The following SNX14 variants were observed in gnomAD, a reference collection of about 807,000 sequenced individuals.
The protein encoded by SNX14 is sorting nexin 14, also known as sorting nexin-14.
In SNX14, 93 loss-of-function variants were observed where a neutral mutation model predicts 133.8. That is an observed-to-expected ratio of 0.70 (90% CI 0.59 to 0.83). SNX14 has a LOEUF of 0.83. SNX14 is among the 40% of genes least tolerant of loss of function. The pLI is 0.00. For missense variants in SNX14, 945 were observed against 1,094.9 expected (o/e 0.86, Z 1.93); for synonymous variants, 368 against 365.6 (o/e 1.01, Z -0.07).
At chr6:85,554,185 G>GGA (rs1042101367) in intron 7 of SNX14, among the ~76,000 whole-genome samples, 1 of 151,704 alleles carries the variant, frequency 6.6e-6, no homozygotes, top group Non-Finnish European at 1.5e-5. Flanking sequence ...TTGAAAGTCT[G>GGA]GAGTAAGATC....
intron 21 of SNX14, among the ~76,000 whole-genome samples, chr6:85,518,889 G>A (rs1261349260): frequency 6.6e-6 from 1 of 152,034 alleles, no homozygotes; most frequent in East Asian, 1.9e-4. Context: ...TTCTTACTGA[G>A]CCAAATTATT....
chr6:85,519,646 G>A (rs976244550), intron 21 of SNX14, among the ~76,000 whole-genome samples: 3 of 152,128 alleles, frequency 2.0e-5, no homozygotes, highest in African/African-American at 2.4e-5. Flanking sequence ...CGAGGCGGGC[G>A]GATCCCGAGG....
chr6:85,562,776 G>A (rs12213000), intron 6 of SNX14, among the ~76,000 whole-genome samples: 1 of 151,942 alleles, frequency 6.6e-6, no homozygotes, highest in African/African-American at 2.4e-5. Flanking sequence ...AGTTTTAGTA[G>A]AGATGAGGTT....
chr6:85,581,975 A>G (rs1328554924), intron 1 of SNX14: 1 of 152,196 alleles, frequency 6.6e-6, no homozygotes, highest in Non-Finnish European at 1.5e-5. Context: ...AAAGGTATCA[A>G]TGTTCAAGTA....
intron 21 of SNX14, among the ~76,000 whole-genome samples, chr6:85,525,492 C>T (rs1180034656): frequency 6.6e-6 from 1 of 151,984 alleles, no homozygotes; most frequent in East Asian, 1.9e-4. Context: ...AGTTTTATAG[C>T]CAACAATTAA....
rs747939559 is a variant in SNX14, at chr6:85,528,263, T to C, written c.1994A>G (p.Gln665Arg). 6.2e-6 allele frequency: 10 copies of C among 1,602,124 alleles called. No homozygotes were observed. The highest frequency in any genetic ancestry group is 2.7e-5 in the African/African-American group (2 of 74,666). The change falls in exon 20 of 29, where the codon CAG becomes CGG. Residue 665 changes from glutamine (Q) to arginine (R), a missense_variant and splice_region_variant. Gln to Arg is a conservative substitution (Grantham distance 43). This residue lies in a region of SNX14 where 412 missense variants were observed against 516.6 expected (regional missense o/e 0.80). Coordinates refer to ENST00000314673, the MANE Select transcript of SNX14 (RefSeq NM_153816.6). ...GAATTAATACAGTTGATGTTATACC[T>C]GTAGATATTCTTGGAACTCTTCCCT... The part of the protein sequence containing the change: ...SKREEFQEYL[Q>R]KLLQHPELSN...
At chr6:85,538,557 A>G (rs1051969922) in intron 16 of SNX14, among the ~76,000 whole-genome samples, 5 of 152,210 alleles carry the variant, frequency 3.3e-5, no homozygotes, top group African/African-American at 1.2e-4. Context: ...AAAATGAGTC[A>G]ACAGCCTTAA....
intron 26 of SNX14, among the ~76,000 whole-genome samples, chr6:85,512,486 G>A (rs550040179): frequency 6.6e-6 from 1 of 152,240 alleles, no homozygotes; most frequent in East Asian, 1.9e-4. Context: ...GCCAGGCGTG[G>A]TGGTGCAGGA....
chr6:85,506,663 A>G (rs1487902651), intron 28 of SNX14, among the ~76,000 whole-genome samples: 2 of 152,128 alleles, frequency 1.3e-5, no homozygotes, highest in African/African-American at 4.8e-5. Context: ...GGTTTCCTCT[A>G]CTCTACAAAA....
At chr6:85,509,754 T>C (rs1178078470) in intron 26 of SNX14, among the ~76,000 whole-genome samples, 2 of 152,194 alleles carry the variant, frequency 1.3e-5, no homozygotes, top group Non-Finnish European at 2.9e-5. Context: ...AAATAGATGA[T>C]GATATGTAAC....
intron 23 of SNX14, among the ~76,000 whole-genome samples, chr6:85,515,226 C>G (rs189037789): frequency 1.6e-3 from 230 of 140,722 alleles, no homozygotes; most frequent in African/African-American, 5.6e-3. Flanking sequence ...GAAATCGTGC[C>G]ACTGCACTCC....
chr6:85,535,783 G>A (rs1781770205), intron 17 of SNX14, among the ~76,000 whole-genome samples: 1 of 152,074 alleles, frequency 6.6e-6, no homozygotes, highest in South Asian at 2.1e-4. Flanking sequence ...TCAAAAGGAA[G>A]GGGTAAAGAA....
intron 1 of SNX14, among the ~76,000 whole-genome samples, chr6:85,578,487 A>G (rs2128216271): frequency 6.6e-6 from 1 of 152,268 alleles, no homozygotes; most frequent in East Asian, 1.9e-4. Context: ...GGCTGAAGAC[A>G]ATGAACTTTC....
At chr6:85,547,424 C>G in intron 10 of SNX14, 27 bp from the exon 11 acceptor site, 1 of 1,608,574 alleles carries the variant, frequency 6.2e-7, no homozygotes, top group South Asian at 1.1e-5. Flanking sequence ...ATTATTAACT[C>G]AGTAAAATTC....
intron 17 of SNX14, 123 bp from the exon 18 acceptor site, chr6:85,533,923 G>C: frequency 1.3e-6 from 1 of 761,502 alleles, no homozygotes; most frequent in Non-Finnish European, 2.0e-6. Flanking sequence ...CTGAAAGCTA[G>C]GTGATATTAA....
intron 1 of SNX14, among the ~76,000 whole-genome samples, chr6:85,591,733 C>T (rs555062807): frequency 3.3e-5 from 5 of 152,216 alleles, no homozygotes; most frequent in Middle Eastern, 3.4e-3. Flanking sequence ...ATATGGGCTG[C>T]GTGCAGTCGC....
At chr6:85,512,562 C>T (rs2127786510) in intron 26 of SNX14, among the ~76,000 whole-genome samples, 1 of 148,664 alleles carries the variant, frequency 6.7e-6, no homozygotes, top group East Asian at 2.0e-4. Flanking sequence ...GCGGAGGTTG[C>T]AGTGAGCAGA....
chr6:85,535,754 G>A (rs183725900), intron 17 of SNX14, among the ~76,000 whole-genome samples: 1 of 152,154 alleles, frequency 6.6e-6, no homozygotes, highest in Admixed American at 6.5e-5. Flanking sequence ...ACCCTTACAT[G>A]AAGGCAATGG....
intron 15 of SNX14, among the ~76,000 whole-genome samples, chr6:85,539,575 TAA>T (rs1782988709): frequency 6.6e-6 from 1 of 152,190 alleles, no homozygotes; most frequent in Admixed American, 6.5e-5. Flanking sequence ...TTATGTAATT[TAA>T]GTCATGTAAT....
Sources: allele counts gnomAD v4.1 joint callset (sites outside exome capture counted in the v4.1 genomes callset), GRCh38; gene constraint gnomAD v4.1.1; regional missense constraint gnomAD v4.1.1; transcripts MANE v1.5; gene names NCBI Gene and HGNC (gene_info 2026-07-23, HGNC 2026-07-21).